The following ZNF717 variants were observed in gnomAD, a reference collection of about 807,000 sequenced individuals.
The protein encoded by ZNF717 is zinc finger protein 717, also known as krueppel-like factor X17.
ZNF717 carries 9 observed loss-of-function variants against 13.8 expected under a neutral mutation model. That is an observed-to-expected ratio of 0.65 (90% CI 0.39 to 1.14). The LOEUF is 1.14. ZNF717 is among the 50% of genes most tolerant of loss of function. The probability of loss-of-function intolerance (pLI) is 0.01; values close to 1 mark genes in which losing one functional copy is unlikely to be tolerated. For synonymous variants in ZNF717, 327 were observed against 364.1 expected (o/e 0.90, Z 1.16); for missense variants, 1,040 against 1,080.7 (o/e 0.96, Z 0.53).
intron 2 of ZNF717, among the ~76,000 whole-genome samples, chr3:75,762,451 A>G (rs1195312253): frequency 6.6e-6 from 1 of 152,118 alleles, no homozygotes; most frequent in African/African-American, 2.4e-5. Context: ...AAAAAAAAAA[A>G]AAAAAAAAGA....
intron 2 of ZNF717, among the ~76,000 whole-genome samples, chr3:75,769,429 A>C (rs1338065289): frequency 1.3e-5 from 2 of 152,194 alleles, no homozygotes; most frequent in Non-Finnish European, 2.9e-5. Flanking sequence ...GACATCATGA[A>C]GCAGCCAACC....
downstream of ZNF717, among the ~76,000 whole-genome samples, chr3:75,733,765 C>A: frequency 2.5e-5 from 2 of 79,828 alleles, no homozygotes; most frequent in Non-Finnish European, 4.4e-5. Context: ...GGTGACAGAG[C>A]AAGACTCTAT....
At position 75,737,164 on chromosome 3, in the gene ZNF717, C is replaced by T. The variant is rs76137844; in HGVS notation, c.2459G>A (p.Arg820Lys). Reference sequence around the variant, plus strand: ...TTTTGACTTCTGGGAGAAGGTTTTCCTACATTCTTTACATTCAAATGGCTT... The same window carrying T: ...TTTTGACTTCTGGGAGAAGGTTTTCTTACATTCTTTACATTCAAATGGCTT... ...GEKPFECKEC[R>K]KTFSQKSKLF... Residue 820 changes from arginine (R) to lysine (K), a missense_variant, in exon 5 of 5, where the codon AGG (arginine) becomes AAG (lysine). Arg to Lys is a conservative substitution (Grantham distance 26). Coordinates refer to ENST00000652011, the MANE Select transcript of ZNF717 (RefSeq NM_001290208.3). The T allele has an allele frequency of 1.9e-6, 3 of 1,558,990 alleles. No individual in the cohort carries two copies. Among genetic ancestry groups the T allele is most frequent in the Admixed American group, 3.9e-5 (2 of 51,534 alleles).
chr3:75,751,995 CAT>C (rs1464249977), intron 2 of ZNF717, among the ~76,000 whole-genome samples: 1 of 151,532 alleles, frequency 6.6e-6, no homozygotes, highest in Non-Finnish European at 1.5e-5. Flanking sequence ...TTGTCCTTCA[CAT>C]ATGATTCCAG....
intron 2 of ZNF717, among the ~76,000 whole-genome samples, chr3:75,779,945 C>T (rs575961456): frequency 6.6e-6 from 1 of 150,900 alleles, no homozygotes; most frequent in East Asian, 2.0e-4. Flanking sequence ...GAACCCAAAA[C>T]AATGGGAGAG....
chr3:75,780,786 C>T (rs988281597), intron 2 of ZNF717, among the ~76,000 whole-genome samples: 9 of 152,334 alleles, frequency 5.9e-5, no homozygotes, highest in Non-Finnish European at 1.2e-4. Context: ...CCAAACCAAA[C>T]CAAAATGGAG....
At position 75,779,117 on chromosome 3, in the gene ZNF717, C is replaced by T. The variant is rs191025256; in HGVS notation, c.57+4189G>A. 4.9e-4 allele frequency among the ~76,000 whole-genome samples: 71 copies of T among 143,976 alleles called. No homozygotes were observed. The East Asian group carries it at 0.013, about 26-fold the overall frequency. The allele number at this position is 143,976 out of a possible 152,430, so 94.5% of individuals were successfully genotyped here. A position where few individuals can be genotyped will look rare whatever the true frequency, so the allele number is the denominator to read the frequency against. On this transcript the variant is annotated intron_variant, in intron 2 of 4. Transcript: ENST00000652011. ...TAGGAACCCAAAACAATGGGATTGA[C>T]GTGCTAAAACCAGAACACAAAACAA...
chr3:75,732,828 T>A (rs1381165262), downstream of ZNF717, among the ~76,000 whole-genome samples: 3 of 152,156 alleles, frequency 2.0e-5, no homozygotes, highest in African/African-American at 4.8e-5. Context: ...TATCTAGGAA[T>A]AAAGAAAAAG....
intron 4 of ZNF717, among the ~76,000 whole-genome samples, chr3:75,724,550 C>T (rs1938237983): frequency 6.6e-6 from 1 of 152,192 alleles, no homozygotes; most frequent in Non-Finnish European, 1.5e-5. Flanking sequence ...AATAAGTGCT[C>T]TATGAGTTCT....
Position 75,738,270 on chromosome 3 carries a change from A to C in ZNF717, c.1353T>G (p.Tyr451Ter). The C allele has an allele frequency of 1.3e-6, 2 of 1,552,622 alleles. No homozygotes were observed. Among genetic ancestry groups the C allele is most frequent in the African/African-American group, 2.7e-5 (2 of 72,990 alleles). ...HQRTHTGEKP[Y>*]ECNECGKPFI... ...AGGGTTTTCCACACTCATTACATTC[A>C]TACGGTTTTTCCCCTGTGTGTGTTC... Residue 451 changes from tyrosine to a stop codon, truncating the protein, a stop_gained, in exon 5 of 5, where the codon TAT becomes TAG. Transcript: ENST00000652011. LOFTEE classifies it low-confidence loss of function (END_TRUNC).
At position 75,738,154 on chromosome 3, in the gene ZNF717, C is replaced by A. The variant is rs77389541; in HGVS notation, c.1469G>T (p.Arg490Leu). 2 of 1,363,798 alleles carry A rather than the reference C, an allele frequency of 1.5e-6. No homozygotes were observed. The highest frequency in any genetic ancestry group is 1.5e-5 in the African/African-American group (1 of 68,648). The allele number at this position is 1,363,798 out of a possible 1,614,324, so 84.5% of individuals were successfully genotyped here. A position where few individuals can be genotyped will look rare whatever the true frequency, so the allele number is the denominator to read the frequency against. The change falls in exon 5 of 5, where the codon CGT becomes CTT. Residue 490 changes from arginine (R) to leucine (L), a missense_variant. Arg to Leu is a moderately radical substitution (Grantham distance 102, BLOSUM62 -2). Around this residue, in one of 3 missense-constraint regions of ZNF717, gnomAD observed 873 missense variants for 832.8 expected, o/e 1.05. Transcript: ENST00000652011. ...TTGATGGATAGTGAGGAATGACTTA[C>A]GGTGAAACGTTTTCCCACATTCATT... is the stretch of plus-strand genomic sequence containing the variant. Reference protein sequence around the residue: ...ECNECGKTFHRKSFLTIHQWT... With the variant: ...ECNECGKTFHLKSFLTIHQWT...
chr3:75,729,615 CA>C (rs369485280), downstream of ZNF717, among the ~76,000 whole-genome samples: 2,722 of 115,494 alleles, frequency 0.024, 30 homozygotes, highest in African/African-American at 0.082. Flanking sequence ...AACTCCATAT[CA>C]AAAAAAAAAA....
intron 2 of ZNF717, among the ~76,000 whole-genome samples, chr3:75,742,262 T>C (rs796635615): frequency 1.4e-5 from 2 of 147,766 alleles, no homozygotes; most frequent in African/African-American, 5.0e-5. Flanking sequence ...AGTTTGACAG[T>C]GCAGTGAGTT....
chr3:75,726,235 G>A (rs1938276117), downstream of ZNF717, among the ~76,000 whole-genome samples: 1 of 152,258 alleles, frequency 6.6e-6, no homozygotes, highest in Non-Finnish European at 1.5e-5. Context: ...ATTGGGCTGT[G>A]TGCCCTGAGA....
intron 5 of ZNF717, among the ~76,000 whole-genome samples, chr3:75,714,772 A>ACC (rs933986482): frequency 4.8e-4 from 73 of 152,330 alleles, no homozygotes; most frequent in African/African-American, 1.7e-3. Context: ...CACAGATTTA[A>ACC]TTAAGTCACA....
downstream of ZNF717, among the ~76,000 whole-genome samples, chr3:75,726,251 G>A (rs2106881402): frequency 6.6e-6 from 1 of 152,228 alleles, no homozygotes; most frequent in East Asian, 1.9e-4. Context: ...TGAGAGGGAG[G>A]GCACATTTAG....
downstream of ZNF717, among the ~76,000 whole-genome samples, chr3:75,706,277 A>G (rs1937801026): frequency 6.6e-6 from 1 of 152,420 alleles, no homozygotes; most frequent in African/African-American, 2.4e-5. Context: ...GACCCCAAGA[A>G]GGGACAGGCA....
intron 4 of ZNF717, 121 bp from the exon 5 acceptor site, chr3:75,739,466 G>A (rs1185718742): frequency 5.1e-6 from 3 of 584,038 alleles, no homozygotes; most frequent in Admixed American, 3.6e-5. Flanking sequence ...AAATAAATAT[G>A]GGTATTGGTT....
chr3:75,761,592 G>A (rs1325828845), intron 2 of ZNF717, among the ~76,000 whole-genome samples: 4 of 152,234 alleles, frequency 2.6e-5, no homozygotes, highest in Non-Finnish European at 4.4e-5. Flanking sequence ...ATAAAATTTT[G>A]TTCACAGACA....
Sources: allele counts gnomAD v4.1 joint callset (sites outside exome capture counted in the v4.1 genomes callset), GRCh38; gene constraint gnomAD v4.1.1; regional missense constraint gnomAD v4.1.1; transcripts MANE v1.5; gene names NCBI Gene and HGNC (gene_info 2026-07-23, HGNC 2026-07-21).